ZBTB20: variants seen among roughly 807,000 people sequenced by gnomAD.
The protein encoded by ZBTB20 is zinc finger and BTB domain-containing protein 20.
In ZBTB20, 9 loss-of-function variants were observed where a neutral mutation model predicts 56.9. The ratio of observed to expected loss-of-function variants is 0.16; its 90% CI spans 0.10 to 0.28. The LOEUF is 0.28. Ranked by LOEUF, ZBTB20 falls within the 10% of genes least tolerant of loss-of-function variation. ZBTB20 has a pLI of 1.00. For synonymous variants in ZBTB20, 417 were observed against 420.7 expected (o/e 0.99, Z 0.11); for missense variants, 655 against 1,003.0 (o/e 0.65, Z 4.69).
At chr3:114,779,608 C>A (rs1159391182) in intron 5 of ZBTB20, among the ~76,000 whole-genome samples, 1 of 152,078 alleles carries the variant, frequency 6.6e-6, no homozygotes, top group Non-Finnish European at 1.5e-5. Flanking sequence ...TACCTTAACC[C>A]TTTTAGCACA....
chr3:114,959,742 C>CACAA (rs1356448483), intron 3 of ZBTB20, among the ~76,000 whole-genome samples: 6 of 150,972 alleles, frequency 4.0e-5, no homozygotes, highest in Non-Finnish European at 8.9e-5. Flanking sequence ...CACACACACA[C>CACAA]ACACACACAC....
In ZBTB20 at chr3:114,863,222, T is replaced by C. The variant is rs572011152; in HGVS notation, c.-417+37082A>G. On this transcript the variant is annotated intron_variant, in intron 4 of 11. Coordinates refer to ENST00000675478, the MANE Select transcript of ZBTB20 (RefSeq NM_001348800.3). ...ATATATCCATAAAGTGGAGGGGATATCTGAAAATCACCTAGAGAATCTGAC... is the reference window on the plus strand; with the variant it reads ...ATATATCCATAAAGTGGAGGGGATACCTGAAAATCACCTAGAGAATCTGAC... 7.9e-5 allele frequency among the ~76,000 whole-genome samples: 12 copies of C among 152,264 alleles called. 1 individual carries two copies. The South Asian group carries it at 2.5e-3, about 32-fold the overall frequency.
intron 1 of ZBTB20, among the ~76,000 whole-genome samples, chr3:115,095,668 A>T (rs1033410800): frequency 1.3e-5 from 2 of 152,230 alleles, no homozygotes; most frequent in African/African-American, 4.8e-5. Flanking sequence ...GATAGTAATC[A>T]TAGATAGCAT....
chr3:114,803,465 G>T (rs917869756), intron 4 of ZBTB20, among the ~76,000 whole-genome samples: 3 of 151,726 alleles, frequency 2.0e-5, no homozygotes, highest in African/African-American at 7.3e-5. Flanking sequence ...GGGCAAAACA[G>T]ATGGATCTTA....
chr3:115,099,103 G>A (rs2083484839), intron 1 of ZBTB20, among the ~76,000 whole-genome samples: 1 of 151,846 alleles, frequency 6.6e-6, no homozygotes, highest in Non-Finnish European at 1.5e-5. Context: ...CACTATTCTG[G>A]GAAAACTCTT....
At chr3:114,540,260 T>C (rs1035683729) in intron 6 of ZBTB20, among the ~76,000 whole-genome samples, 49 of 152,046 alleles carry the variant, frequency 3.2e-4, no homozygotes, top group Non-Finnish European at 6.9e-4. Context: ...TCAGAGAATA[T>C]TATCAACACC....
chr3:114,972,647 C>T (rs760354721), intron 3 of ZBTB20, among the ~76,000 whole-genome samples: 39 of 151,974 alleles, frequency 2.6e-4, no homozygotes, highest in Non-Finnish European at 4.9e-4. Flanking sequence ...AATGTAATCT[C>T]AGGAAAAAAA....
intron 2 of ZBTB20, among the ~76,000 whole-genome samples, chr3:115,059,667 C>T (rs1039206208): frequency 2.6e-5 from 4 of 152,164 alleles, no homozygotes; most frequent in Non-Finnish European, 5.9e-5. Flanking sequence ...CGGTATTCTA[C>T]CTGCAAATTC....
chr3:115,070,768 A>G (rs972752294), intron 2 of ZBTB20, among the ~76,000 whole-genome samples: 20 of 152,150 alleles, frequency 1.3e-4, no homozygotes, highest in Non-Finnish European at 1.9e-4. Context: ...GCATAAGAAG[A>G]CTCCTACCCA....
At chr3:114,451,031 C>A (rs2091576823) in intron 7 of ZBTB20, among the ~76,000 whole-genome samples, 1 of 151,896 alleles carries the variant, frequency 6.6e-6, no homozygotes, top group Non-Finnish European at 1.5e-5. Flanking sequence ...ATCACCAAAC[C>A]CTGAACAGCT....
intron 6 of ZBTB20, among the ~76,000 whole-genome samples, chr3:114,579,013 T>A (rs930457427): frequency 1.7e-4 from 26 of 151,844 alleles, no homozygotes; most frequent in Admixed American, 1.3e-4. Context: ...AATTAAAAGA[T>A]GCTATGTTAA....
intron 7 of ZBTB20, among the ~76,000 whole-genome samples, chr3:114,482,741 A>G (rs1220300410): frequency 6.6e-6 from 1 of 152,182 alleles, no homozygotes; most frequent in Non-Finnish European, 1.5e-5. Context: ...TTCTTTAAGT[A>G]GTTTATTGTT....
intron 3 of ZBTB20, among the ~76,000 whole-genome samples, chr3:114,921,282 C>T (rs1338502542): frequency 1.3e-5 from 2 of 152,060 alleles, no homozygotes; most frequent in African/African-American, 4.8e-5. Context: ...ACCACTACAC[C>T]CAGCTAGTTT....
intron 1 of ZBTB20, among the ~76,000 whole-genome samples, chr3:115,089,806 A>G (rs879942282): frequency 1.3e-5 from 2 of 151,816 alleles, no homozygotes; most frequent in Non-Finnish European, 3.0e-5. Context: ...GTGCTTAGCA[A>G]TATCTCGCTT....
At chr3:114,343,406 T>A (rs949474100) in intron 11 of ZBTB20, among the ~76,000 whole-genome samples, 1 of 152,248 alleles carries the variant, frequency 6.6e-6, no homozygotes, top group African/African-American at 2.4e-5. Context: ...GCACTGTTCC[T>A]ACCTGACTCT....
At chr3:114,557,587 A>G (rs568650520) in intron 6 of ZBTB20, among the ~76,000 whole-genome samples, 46 of 152,076 alleles carry the variant, frequency 3.0e-4, no homozygotes, top group South Asian at 1.9e-3. Flanking sequence ...GAAATTCAAC[A>G]TCACTTTAAG....
chr3:114,883,658 T>C (rs147757580), intron 4 of ZBTB20, among the ~76,000 whole-genome samples: 5 of 152,294 alleles, frequency 3.3e-5, no homozygotes, highest in South Asian at 2.1e-4. Context: ...GGCTTCAGTA[T>C]AATAATGGCC....
chr3:115,035,984 T>C (rs2080900692), intron 2 of ZBTB20, among the ~76,000 whole-genome samples: 1 of 152,198 alleles, frequency 6.6e-6, no homozygotes, highest in South Asian at 2.1e-4. Flanking sequence ...AAAAGACAAA[T>C]ATTGTATGAT....
intron 1 of ZBTB20, among the ~76,000 whole-genome samples, chr3:115,074,717 G>A (rs2082532981): frequency 2.0e-5 from 3 of 152,136 alleles, no homozygotes; most frequent in Admixed American, 6.5e-5. Flanking sequence ...GCTGTAGTAT[G>A]CTGTCTTGAG....
Sources: allele counts gnomAD v4.1 joint callset (sites outside exome capture counted in the v4.1 genomes callset), GRCh38; gene constraint gnomAD v4.1.1; transcripts MANE v1.5; gene names NCBI Gene and HGNC (gene_info 2026-07-23, HGNC 2026-07-21).